Variants in MAPKAP1 observed in about 807,000 individuals in gnomAD.
MAPKAP1 encodes target of rapamycin complex 2 subunit MAPKAP1.
A neutral mutation model predicts 65.7 loss-of-function variants in MAPKAP1; 20 were observed. That is an observed-to-expected ratio of 0.30 (90% CI 0.21 to 0.44). The LOEUF is 0.44. MAPKAP1 is among the 20% of genes least tolerant of loss of function. MAPKAP1 has a pLI of 1.00. For synonymous variants in MAPKAP1, 222 were observed against 244.3 expected, an observed-to-expected ratio of 0.91 and a Z score of 0.85; for missense variants, 423 against 648.0, an observed-to-expected ratio of 0.65 and a Z score of 3.77.
intron 9 of MAPKAP1, among the ~76,000 whole-genome samples, chr9:125,477,237 G>A (rs893269237): frequency 6.6e-6 from 1 of 152,068 alleles, no homozygotes; most frequent in South Asian, 2.1e-4. Flanking sequence ...GGTATCTTAC[G>A]TGTTCAGTAA....
At chr9:125,579,788 T>G (rs1041422352) in intron 5 of MAPKAP1, among the ~76,000 whole-genome samples, 3 of 152,126 alleles carry the variant, frequency 2.0e-5, no homozygotes, top group South Asian at 2.1e-4. Context: ...CACATTACAC[T>G]GCCCGACAGG....
chr9:125,474,315 A>T (rs1379416821), intron 9 of MAPKAP1, among the ~76,000 whole-genome samples: 1 of 152,140 alleles, frequency 6.6e-6, no homozygotes, highest in Non-Finnish European at 1.5e-5. Flanking sequence ...TCCTCCTCAC[A>T]ACCTCCAAGA....
intron 9 of MAPKAP1, among the ~76,000 whole-genome samples, chr9:125,473,522 A>G (rs924219156): frequency 5.9e-5 from 9 of 152,164 alleles, no homozygotes; most frequent in African/African-American, 2.2e-4. Context: ...CTTCCTTAAC[A>G]AGACAGCTCA....
At chr9:125,685,262 C>T (rs1834941156) in intron 1 of MAPKAP1, among the ~76,000 whole-genome samples, 2 of 152,116 alleles carry the variant, frequency 1.3e-5, no homozygotes, top group South Asian at 2.1e-4. Flanking sequence ...TCGGTGGAGC[C>T]GTGAGTTGCA....
intron 7 of MAPKAP1, among the ~76,000 whole-genome samples, chr9:125,508,181 A>T (rs1438326991): frequency 6.6e-6 from 1 of 152,178 alleles, no homozygotes; most frequent in Non-Finnish European, 1.5e-5. Flanking sequence ...GGAAAAAAAA[A>T]GTGTTAAGTA....
intron 4 of MAPKAP1, chr9:125,596,724 A>T: frequency 1.9e-6 from 1 of 513,542 alleles, no homozygotes; most frequent in South Asian, 1.5e-5. Context: ...AGCCAAGCAC[A>T]GTGGTGGCAA....
At chr9:125,703,299 C>A (rs1160715257) in intron 1 of MAPKAP1, among the ~76,000 whole-genome samples, 1 of 152,150 alleles carries the variant, frequency 6.6e-6, no homozygotes, top group Non-Finnish European at 1.5e-5. Flanking sequence ...TTTGTTTACT[C>A]TTTTTTGGCC....
chr9:125,645,001 A>G (rs1833684966), intron 4 of MAPKAP1, among the ~76,000 whole-genome samples: 1 of 152,182 alleles, frequency 6.6e-6, no homozygotes, highest in African/African-American at 2.4e-5. Flanking sequence ...AACATGTAGG[A>G]GGTGGAAAGG....
At chr9:125,617,997 C>T (rs1832792881) in intron 4 of MAPKAP1, among the ~76,000 whole-genome samples, 1 of 152,066 alleles carries the variant, frequency 6.6e-6, no homozygotes. Context: ...AAAATATTTA[C>T]AAATGAACCC....
intron 8 of MAPKAP1, among the ~76,000 whole-genome samples, chr9:125,503,880 CTTTTTTTTTTTTTTT>C (rs35867576): frequency 1.2e-4 from 8 of 66,250 alleles, no homozygotes; most frequent in African/African-American, 1.6e-4. Flanking sequence ...CCACGCTTGG[CTTTTTTTTTTTTTTT>C]TTTTTTTTTT....
chr9:125,463,204 T>C (rs1310320937), intron 10 of MAPKAP1, among the ~76,000 whole-genome samples: 2 of 152,318 alleles, frequency 1.3e-5, no homozygotes, highest in African/African-American at 4.8e-5. Flanking sequence ...AGTGCAACAA[T>C]GGAACGGGAA....
rs117062136 is a variant in MAPKAP1, at chr9:125,674,498, C to T, written c.-69-1855G>A. Among the ~76,000 whole-genome samples the T allele has an allele frequency of 4.5e-3, 690 of 152,232 alleles. 2 individuals carry two copies. The highest frequency in any genetic ancestry group is 7.8e-3 in the Non-Finnish European group (532 of 68,010). On this transcript the variant is annotated intron_variant, in intron 1 of 11. Coordinates refer to ENST00000265960, the MANE Select transcript of MAPKAP1 (RefSeq NM_001006617.3). ...ATTGACTATGTTTCCAGGAACAGTC[C>T]TAGAAGATACTTACTTTCAGAAGGA...
chr9:125,508,593 G>A (rs1829211687), intron 7 of MAPKAP1, among the ~76,000 whole-genome samples: 1 of 152,188 alleles, frequency 6.6e-6, no homozygotes, highest in Admixed American at 6.5e-5. Flanking sequence ...GCTCACATCT[G>A]TTATCCCAGC....
At chr9:125,548,053 G>C (rs1399543590) in intron 6 of MAPKAP1, among the ~76,000 whole-genome samples, 1 of 152,156 alleles carries the variant, frequency 6.6e-6, no homozygotes, top group African/African-American at 2.4e-5. Flanking sequence ...GCTAGGTGCT[G>C]TTTTAAGCTT....
intron 7 of MAPKAP1, among the ~76,000 whole-genome samples, chr9:125,506,991 T>A (rs191253201): frequency 6.6e-6 from 1 of 152,202 alleles, no homozygotes; most frequent in South Asian, 2.1e-4. Context: ...GGCATTCATA[T>A]GTGGAAAAAG....
chr9:125,570,903 G>A (rs1027223406), intron 5 of MAPKAP1, among the ~76,000 whole-genome samples: 8 of 151,364 alleles, frequency 5.3e-5, no homozygotes, highest in African/African-American at 1.2e-4. Flanking sequence ...TTTTCTTAGC[G>A]CACTCATCTG....
chr9:125,484,406 CACG>C (rs766714984), intron 9 of MAPKAP1, 34 bp downstream of exon 9: 9 of 1,573,454 alleles, frequency 5.7e-6, no homozygotes, highest in Non-Finnish European at 7.8e-6. Context: ...CGACTGCTGA[CACG>C]ACAAGCTAGC....
In MAPKAP1 at chr9:125,447,367, G is replaced by C; in HGVS notation, c.1346-2769C>G. On this transcript the variant is annotated intron_variant, in intron 10 of 11. Transcript: ENST00000265960. The surrounding 1 kb of genome is among the most constrained non-coding windows in gnomAD (Gnocchi z 4.5). ...CAGAGGGCAGAGAACGTTCTGTGGAGCACTTGTGTTTGGACTTGAACAATG... is the reference window on the plus strand; with the variant it reads ...CAGAGGGCAGAGAACGTTCTGTGGACCACTTGTGTTTGGACTTGAACAATG... 1 of 456,556 alleles carries C rather than the reference G, an allele frequency of 2.2e-6. No individual in the cohort carries two copies. The highest frequency in any genetic ancestry group is 4.4e-6 in the Non-Finnish European group (1 of 226,936). 28.3% of individuals were successfully genotyped at this position (456,556 alleles called of 1,614,324 possible).
Position 125,698,305 on chromosome 9 carries a change from ATATATATAT to A in MAPKAP1, c.-70+8657_-70+8665del, listed in dbSNP as rs1564622458. On this transcript the variant is annotated intron_variant, in intron 1 of 11. Coordinates refer to ENST00000265960, the MANE Select transcript of MAPKAP1 (RefSeq NM_001006617.3). Reference sequence around the variant, plus strand: ...TATATATAAATATATATATATATATATATATATATATATATATATATATATATATATAAA... The same window carrying A: ...TATATATAAATATATATATATATATAATATATATATATATATATATATAAA... Among the ~76,000 whole-genome samples, 244 of 30,174 alleles carry A rather than the reference ATATATATAT, an allele frequency of 8.1e-3. 5 individuals are homozygous for A. Among genetic ancestry groups the A allele is most frequent in the South Asian group, 0.044 (60 of 1,354 alleles). The allele number at this position is 30,174 out of a possible 152,430, so 19.8% of individuals were successfully genotyped here. A position where few individuals can be genotyped will look rare whatever the true frequency, so the allele number is the denominator to read the frequency against.
Sources: allele counts gnomAD v4.1 joint callset (sites outside exome capture counted in the v4.1 genomes callset), GRCh38; gene constraint gnomAD v4.1.1; non-coding constraint Gnocchi (gnomAD v3.1); transcripts MANE v1.5; gene names NCBI Gene and HGNC (gene_info 2026-07-23, HGNC 2026-07-21).